TEAD1: variants seen among roughly 807,000 people sequenced by gnomAD.
TEAD1 encodes the protein TEA domain transcription factor 1.
In TEAD1, 9 loss-of-function variants were observed where a neutral mutation model predicts 54.9. The ratio of observed to expected loss-of-function variants is 0.16; its 90% CI spans 0.10 to 0.29. The LOEUF (loss-of-function observed/expected upper bound fraction) is 0.29, where lower values mean the gene tolerates loss of function less well. Ranked by LOEUF, TEAD1 falls within the 10% of genes least tolerant of loss-of-function variation. TEAD1 has a pLI of 1.00. For missense variants in TEAD1, 387 were observed against 535.9 expected (o/e 0.72, Z 2.74); for synonymous variants, 200 against 187.8 (o/e 1.07, Z -0.53).
chr11:12,698,398 T>A (rs993245275), intron 2 of TEAD1, among the ~76,000 whole-genome samples: 1 of 152,030 alleles, frequency 6.6e-6, no homozygotes, highest in Non-Finnish European at 1.5e-5. Context: ...GTAAAGGAAT[T>A]GTTTAAACTA....
At chr11:12,691,108 T>C (rs1209134003) in intron 2 of TEAD1, among the ~76,000 whole-genome samples, 1 of 152,202 alleles carries the variant, frequency 6.6e-6, no homozygotes, top group Non-Finnish European at 1.5e-5. Flanking sequence ...ACCTAGCATA[T>C]AGTTTGTAAA....
intron 3 of TEAD1, among the ~76,000 whole-genome samples, chr11:12,839,821 TAGAA>T (rs945881967): frequency 3.3e-5 from 5 of 152,174 alleles, no homozygotes; most frequent in South Asian, 4.2e-4. Context: ...GACTATATGA[TAGAA>T]AGCCCACATT....
intron 3 of TEAD1, among the ~76,000 whole-genome samples, chr11:12,846,793 C>T (rs934587952): frequency 7.2e-5 from 11 of 152,298 alleles, no homozygotes; most frequent in Middle Eastern, 6.8e-3. Flanking sequence ...ATGAAGATCA[C>T]AAGAATTAAA....
At chr11:12,923,335 T>A (rs1232727812) in intron 10 of TEAD1, among the ~76,000 whole-genome samples, 1 of 152,186 alleles carries the variant, frequency 6.6e-6, no homozygotes, top group Non-Finnish European at 1.5e-5. Context: ...CCTCGTCTTC[T>A]TTCTTGGGAT....
chr11:12,879,901 A>G (rs1947930896), intron 6 of TEAD1, 59 bp downstream of exon 6: 4 of 1,608,586 alleles, frequency 2.5e-6, no homozygotes, highest in African/African-American at 2.7e-5. Context: ...GGCATGTGCC[A>G]GTGTTAAGCC....
chr11:12,935,441 A>T (rs1412060735), intron 12 of TEAD1, among the ~76,000 whole-genome samples: 1 of 149,550 alleles, frequency 6.7e-6, no homozygotes, highest in Non-Finnish European at 1.5e-5. Flanking sequence ...TCATTCAGCA[A>T]TTATTTATTT....
intron 12 of TEAD1, among the ~76,000 whole-genome samples, 169 bp downstream of exon 12, chr11:12,930,495 A>G (rs1425509134): frequency 6.6e-6 from 1 of 152,182 alleles, no homozygotes; most frequent in African/African-American, 2.4e-5. Context: ...TCCATAGGGA[A>G]AACTTGGGCT....
At chr11:12,933,839 C>A (rs181477459) in intron 12 of TEAD1, among the ~76,000 whole-genome samples, 3 of 152,280 alleles carry the variant, frequency 2.0e-5, no homozygotes, top group African/African-American at 7.2e-5. Flanking sequence ...ATTTGAGATA[C>A]CATCTCACAC....
At chr11:12,847,301 A>G (rs7102460) in intron 3 of TEAD1, among the ~76,000 whole-genome samples, 3,297 of 152,282 alleles carry the variant, frequency 0.022, 129 homozygotes, top group African/African-American at 0.073. Flanking sequence ...TGCCTTCACA[A>G]AGCTCACAAT....
At chr11:12,730,441 T>G (rs1055212430) in intron 2 of TEAD1, among the ~76,000 whole-genome samples, 2 of 122,622 alleles carry the variant, frequency 1.6e-5, no homozygotes, top group Non-Finnish European at 3.4e-5. Context: ...TTTTTTTTTT[T>G]TCCTAACGGT....
intron 3 of TEAD1, among the ~76,000 whole-genome samples, chr11:12,818,797 T>C (rs1946469783): frequency 6.6e-6 from 1 of 152,228 alleles, no homozygotes; most frequent in Non-Finnish European, 1.5e-5. Flanking sequence ...CGGAAATACT[T>C]GTAACCTTTA....
intron 2 of TEAD1, among the ~76,000 whole-genome samples, chr11:12,685,836 ATCAG>A (rs1166920155): frequency 6.6e-6 from 1 of 152,202 alleles, no homozygotes; most frequent in Non-Finnish European, 1.5e-5. Flanking sequence ...GAGGCCACAA[ATCAG>A]TCATTGAATC....
intron 2 of TEAD1, among the ~76,000 whole-genome samples, chr11:12,761,218 TAAG>T (rs1360933657): frequency 3.3e-5 from 5 of 152,192 alleles, no homozygotes; most frequent in Non-Finnish European, 5.9e-5. Flanking sequence ...ATAGAAATAA[TAAG>T]AAGAGGTTGT....
At chr11:12,825,075 G>A (rs1287235357) in intron 3 of TEAD1, among the ~76,000 whole-genome samples, 1 of 152,118 alleles carries the variant, frequency 6.6e-6, no homozygotes, top group African/African-American at 2.4e-5. Flanking sequence ...TGGTTCATCA[G>A]TATAAGAAAA....
intron 2 of TEAD1, among the ~76,000 whole-genome samples, chr11:12,758,406 T>TC (rs1491147028): frequency 1.2e-3 from 110 of 91,772 alleles, no homozygotes; most frequent in African/African-American, 6.4e-3. Flanking sequence ...GCCCAGCTAG[T>TC]TTTTTTTTTT....
At chr11:12,917,380 T>C (rs4600191) in intron 10 of TEAD1, among the ~76,000 whole-genome samples, 143,677 of 152,218 alleles carry the variant, frequency 0.94, 68,370 homozygotes, top group East Asian at 1. Flanking sequence ...TTAGCCAGCC[T>C]GGAGCTGAAT....
intron 10 of TEAD1, among the ~76,000 whole-genome samples, chr11:12,904,034 TATC>T (rs1167192281): frequency 6.6e-6 from 1 of 152,176 alleles, no homozygotes; most frequent in Non-Finnish European, 1.5e-5. Flanking sequence ...AGTTCCTTGA[TATC>T]ATTTTAATGG....
At chr11:12,732,988 G>A (rs1479259497) in intron 2 of TEAD1, among the ~76,000 whole-genome samples, 1 of 152,158 alleles carries the variant, frequency 6.6e-6, no homozygotes, top group East Asian at 1.9e-4. Flanking sequence ...GAATTCAAGA[G>A]CTCTGATTTC....
chr11:12,790,964 G>A (rs540873047), intron 3 of TEAD1, among the ~76,000 whole-genome samples: 1 of 152,326 alleles, frequency 6.6e-6, no homozygotes, highest in East Asian at 1.9e-4. Flanking sequence ...TCCTCAAAAT[G>A]TTAAACGTAG....
Sources: allele counts gnomAD v4.1 joint callset (sites outside exome capture counted in the v4.1 genomes callset), GRCh38; gene constraint gnomAD v4.1.1; transcripts MANE v1.5; gene names NCBI Gene and HGNC (gene_info 2026-07-23, HGNC 2026-07-21).